The following PNO1 variants were observed in gnomAD, a reference collection of about 807,000 sequenced individuals.
PNO1 encodes RNA-binding protein PNO1.
Under a neutral mutation model 28.4 loss-of-function variants are expected in PNO1, and 16 were observed. The observed-to-expected ratio is 0.56, with a 90% confidence interval of 0.38 to 0.85. The LOEUF (loss-of-function observed/expected upper bound fraction) is 0.85. Among genes scored for constraint, PNO1 ranks in the 40% least tolerant of loss-of-function variants. PNO1 has a pLI of 0.00. For synonymous variants in PNO1, 115 were observed against 110.8 expected, an observed-to-expected ratio of 1.04 and a Z score of -0.24; for missense variants, 304 against 312.2, an observed-to-expected ratio of 0.97 and a Z score of 0.20.
chr2:68,159,130 T>C (rs1029588219), intron 2 of PNO1, among the ~76,000 whole-genome samples: 1 of 152,214 alleles, frequency 6.6e-6, no homozygotes, highest in Non-Finnish European at 1.5e-5. Context: ...TATACTGTTA[T>C]GAGACCACCA....
At chr2:68,160,001 C>T (rs1448108489) in intron 2 of PNO1, among the ~76,000 whole-genome samples, 3 of 134,136 alleles carry the variant, frequency 2.2e-5, no homozygotes, top group Non-Finnish European at 4.6e-5. Flanking sequence ...TAGAGTCTTG[C>T]TCCGTTGCCC....
At chr2:68,169,833 A>G (rs976353677) in intron 5 of PNO1, among the ~76,000 whole-genome samples, 2 of 152,128 alleles carry the variant, frequency 1.3e-5, no homozygotes, top group African/African-American at 4.8e-5. Context: ...CATCTCCAAA[A>G]TATCTTCCAG....
At chr2:68,172,636 C>A (rs975280961) in intron 5 of PNO1, among the ~76,000 whole-genome samples, 4 of 152,166 alleles carry the variant, frequency 2.6e-5, no homozygotes, top group Admixed American at 6.5e-5. Context: ...CAGTTGAAAA[C>A]CAATTATGTT....
rs1246499665 is a variant in PNO1, at chr2:68,175,408, C to CA, written c.*607dup. On this transcript the variant is annotated 3_prime_UTR_variant, in exon 7 of 7. Coordinates refer to ENST00000263657, the MANE Select transcript of PNO1 (RefSeq NM_020143.4). ...CCTAGTAGCTGGGACTACAGGTATGCACCACCATGCCTGGCTAATTTTTTG... is the reference window on the plus strand; with the variant it reads ...CCTAGTAGCTGGGACTACAGGTATGCAACCACCATGCCTGGCTAATTTTTTG... The CA allele has an allele frequency of 6.6e-6, 1 of 152,378 alleles. No individual in the cohort carries two copies. Among genetic ancestry groups the CA allele is most frequent in the Non-Finnish European group, 1.5e-5 (1 of 68,232 alleles). The allele number at this position is 152,378 out of a possible 1,614,324, so 9.4% of individuals were successfully genotyped here.
intron 2 of PNO1, among the ~76,000 whole-genome samples, chr2:68,160,392 G>T (rs1056162823): frequency 6.6e-6 from 1 of 152,154 alleles, no homozygotes; most frequent in Non-Finnish European, 1.5e-5. Context: ...CTTTGAAAGA[G>T]GTCCGCTCCT....
In PNO1 at chr2:68,159,526, T is replaced by C. The variant is rs1673775746; in HGVS notation, c.357+997T>C. ...GAGCCTATGTATATATTTTAAATTC[T>C]GTGCTATCAATCCGGGAATTAGACA... is the stretch of plus-strand genomic sequence containing the variant. On this transcript the variant is annotated intron_variant, in intron 2 of 6. Transcript: ENST00000263657. 2.0e-5 allele frequency among the ~76,000 whole-genome samples: 3 copies of C among 152,164 alleles called. No homozygotes were observed. In the South Asian group the frequency reaches 6.2e-4, roughly 32 times the overall value.
At chr2:68,171,924 T>C (rs1296656921) in intron 5 of PNO1, among the ~76,000 whole-genome samples, 1 of 151,954 alleles carries the variant, frequency 6.6e-6, no homozygotes, top group African/African-American at 2.4e-5. Context: ...TGTGTTGATA[T>C]GAGTGGAATG....
Position 68,174,765 on chromosome 2 carries a change from T to C in PNO1, c.722T>C (p.Ile241Thr), listed in dbSNP as rs1230942793. The change falls in exon 7 of 7, where the codon ATT becomes ACT. Residue 241 changes from isoleucine to threonine, a missense_variant. Ile to Thr is a moderately conservative substitution (Grantham distance 89). Transcript: ENST00000263657. Reference protein sequence around the residue: ...GNPPSKVYGNIRAVASRSADR... With the variant: ...GNPPSKVYGNTRAVASRSADR... ...CCTCCTTCCAAGGTTTATGGCAATA[T>C]TCGAGCTGTGGCTAGCAGATCAGCA... 6.2e-7 allele frequency: 1 copy of C among 1,611,034 alleles called. No homozygotes were observed. Among genetic ancestry groups the C allele is most frequent in the Admixed American group, 1.7e-5 (1 of 59,930 alleles).
chr2:68,165,687 A>T (rs886780051), intron 5 of PNO1, among the ~76,000 whole-genome samples: 3 of 152,166 alleles, frequency 2.0e-5, no homozygotes, highest in Non-Finnish European at 4.4e-5. Context: ...TCTCAAAAAA[A>T]AAAAGAATTT....
chr2:68,170,747 C>CAAAAAA (rs767088135), intron 5 of PNO1, among the ~76,000 whole-genome samples: 1 of 61,064 alleles, frequency 1.6e-5, no homozygotes, highest in Non-Finnish European at 3.2e-5. Flanking sequence ...GACTCCGTCT[C>CAAAAAA]AAAAAAAAAA....
At chr2:68,162,014 C>T (rs1673844021) in intron 3 of PNO1, among the ~76,000 whole-genome samples, 1 of 152,156 alleles carries the variant, frequency 6.6e-6, no homozygotes. Context: ...TAGTGCATGC[C>T]TGCAGTCCCA....
intron 5 of PNO1, among the ~76,000 whole-genome samples, chr2:68,169,038 C>G (rs901104471): frequency 6.7e-6 from 1 of 148,852 alleles, no homozygotes; most frequent in Non-Finnish European, 1.5e-5. Flanking sequence ...AATGGATTCT[C>G]CTGCCTCAGC....
At position 68,162,323 on chromosome 2, in the gene PNO1, A is replaced by G. The variant is rs1454237851; in HGVS notation, c.500A>G (p.Asp167Gly). The change falls in exon 4 of 7, where the codon GAT becomes GGT. Residue 167 changes from aspartate (D) to glycine (G), a missense_variant and splice_region_variant. Transcript: ENST00000263657. Reference protein sequence around the residue: ...DLFLESFEITDVKPLKGDHLS... With the variant: ...DLFLESFEITGVKPLKGDHLS... ...TTCCTAGAGTCTTTTGAAATTACAGATGGTGAGTGTGTGTTGGTCTGCGCT... is the reference window on the plus strand; with the variant it reads ...TTCCTAGAGTCTTTTGAAATTACAGGTGGTGAGTGTGTGTTGGTCTGCGCT... 7.5e-6 allele frequency: 12 copies of G among 1,607,160 alleles called. No homozygotes were observed. Among genetic ancestry groups the G allele is most frequent in the Non-Finnish European group, 1.0e-5 (12 of 1,175,832 alleles).
intron 5 of PNO1, among the ~76,000 whole-genome samples, chr2:68,166,773 G>C (rs780323860): frequency 1.4e-4 from 22 of 152,202 alleles, no homozygotes; most frequent in Middle Eastern, 3.2e-3. Flanking sequence ...ATTGTCTAAT[G>C]TCACCTTGTT....
chr2:68,159,126 G>C (rs1673759316), intron 2 of PNO1, among the ~76,000 whole-genome samples: 1 of 152,034 alleles, frequency 6.6e-6, no homozygotes, highest in African/African-American at 2.4e-5. Flanking sequence ...CCATTATACT[G>C]TTATGAGACC....
At chr2:68,169,912 C>G (rs1416659165) in intron 5 of PNO1, among the ~76,000 whole-genome samples, 1 of 152,168 alleles carries the variant, frequency 6.6e-6, no homozygotes, top group African/African-American at 2.4e-5. Flanking sequence ...CAAAAGTCAG[C>G]TGTATTACAT....
intron 2 of PNO1, 78 bp downstream of exon 2, chr2:68,158,607 C>T: frequency 8.1e-7 from 1 of 1,240,380 alleles, no homozygotes; most frequent in Non-Finnish European, 1.1e-6. Flanking sequence ...ATAGGCTTTA[C>T]TTAATGGGAC....
intron 2 of PNO1, among the ~76,000 whole-genome samples, chr2:68,160,792 T>C (rs1465568191): frequency 1.3e-5 from 2 of 152,212 alleles, no homozygotes; most frequent in African/African-American, 4.8e-5. Flanking sequence ...AAAGTATCTA[T>C]GGGACTTGTC....
chr2:68,164,412 G>A (rs1214506576), intron 5 of PNO1, among the ~76,000 whole-genome samples: 1 of 152,062 alleles, frequency 6.6e-6, no homozygotes, highest in East Asian at 1.9e-4. Context: ...GATCACCTGA[G>A]CCCAGAAGGT....
Sources: allele counts gnomAD v4.1 joint callset (sites outside exome capture counted in the v4.1 genomes callset), GRCh38; gene constraint gnomAD v4.1.1; transcripts MANE v1.5; gene names NCBI Gene and HGNC (gene_info 2026-07-23, HGNC 2026-07-21).